Variants in NHERF1 observed in about 807,000 individuals in gnomAD.
NHERF1 encodes the protein Na(+)/H(+) exchange regulatory cofactor NHE-RF1.
the NHERF1 span, among the ~76,000 whole-genome samples, chr17:74,761,659 G>A: frequency 6.6e-6 from 1 of 152,178 alleles, no homozygotes; most frequent in Non-Finnish European, 1.5e-5. This position sits in a 1 kb window ranked among gnomAD's most constrained non-coding sequence, Gnocchi z 4.3. Flanking sequence ...GCCACCAATG[G>A]GGAGGGATAG....
At chr17:74,761,070 G>A in the NHERF1 span, among the ~76,000 whole-genome samples, 1 of 152,236 alleles carries the variant, frequency 6.6e-6, no homozygotes, top group Admixed American at 6.5e-5. The surrounding 1 kb of genome is among the most constrained non-coding windows in gnomAD (Gnocchi z 4.3). Context: ...ATCATACTGT[G>A]TGTCCAGGCC....
the NHERF1 span, chr17:74,762,113 A>C: frequency 6.2e-7 from 1 of 1,614,200 alleles, no homozygotes. The surrounding 1 kb of genome is among the most constrained non-coding windows in gnomAD (Gnocchi z 4.2). Flanking sequence ...TCATCCGGTC[A>C]GTGGACCCAG....
chr17:74,768,624 A>G, the NHERF1 span: 1 of 1,614,076 alleles, frequency 6.2e-7, no homozygotes, highest in South Asian at 1.1e-5. Flanking sequence ...GATGGACTGG[A>G]GCAAGAAAAA....
the NHERF1 span, chr17:74,748,913 G>C: frequency 4.4e-6 from 7 of 1,601,080 alleles, no homozygotes; most frequent in African/African-American, 1.3e-5. This position sits in a 1 kb window ranked among gnomAD's most constrained non-coding sequence, Gnocchi z 4.3. Context: ...GGGTCCGAAC[G>C]GCTACGGCTT....
the NHERF1 span, chr17:74,767,970 A>G: frequency 6.9e-3 from 4,885 of 712,540 alleles, 109 homozygotes; most frequent in African/African-American, 0.064. Context: ...CTGATCCCCA[A>G]AGGAATGTAA....
chr17:74,748,740 G>T, the NHERF1 span: 1 of 1,047,362 alleles, frequency 9.5e-7, no homozygotes, highest in East Asian at 2.7e-5. This position sits in a 1 kb window ranked among gnomAD's most constrained non-coding sequence, Gnocchi z 4.3. Context: ...GCGGCTCAGG[G>T]CTTCTCTGCT....
At chr17:74,768,463 T>C in the NHERF1 span, 3 of 1,613,948 alleles carry the variant, frequency 1.9e-6, no homozygotes, top group Non-Finnish European at 1.7e-6. Flanking sequence ...CACTTCTCTT[T>C]ACAGCTGAAT....
chr17:74,757,340 G>C, the NHERF1 span, among the ~76,000 whole-genome samples: 1 of 152,100 alleles, frequency 6.6e-6, no homozygotes, highest in Admixed American at 6.5e-5. Context: ...AGCAGTGAGT[G>C]ACTTTTTTTA....
At chr17:74,762,012 C>G in the NHERF1 span, 1 of 1,613,890 alleles carries the variant, frequency 6.2e-7, no homozygotes, top group Non-Finnish European at 8.5e-7. The surrounding 1 kb of genome is among the most constrained non-coding windows in gnomAD (Gnocchi z 4.2). Context: ...GTCCCTGCAG[C>G]GCGAGCTTCG....
chr17:74,762,169 T>A, the NHERF1 span: 1 of 1,613,884 alleles, frequency 6.2e-7, no homozygotes, highest in Admixed American at 1.7e-5. The surrounding 1 kb of genome is among the most constrained non-coding windows in gnomAD (Gnocchi z 4.2). Context: ...GATCGCATTG[T>A]GGAGGTGATG....
At chr17:74,755,990 G>C in the NHERF1 span, among the ~76,000 whole-genome samples, 21 of 139,090 alleles carry the variant, frequency 1.5e-4, no homozygotes, top group South Asian at 4.4e-3. Flanking sequence ...GTCTCGCTCT[G>C]TTGCCCAGGC....
the NHERF1 span, chr17:74,768,436 T>A: frequency 6.2e-7 from 1 of 1,612,010 alleles, no homozygotes; most frequent in Admixed American, 1.7e-5. Flanking sequence ...AGGGACTGAC[T>A]CCCAACTTCC....
chr17:74,768,759 C>T, the NHERF1 span: 2 of 934,248 alleles, frequency 2.1e-6, no homozygotes, highest in South Asian at 1.5e-5. Flanking sequence ...CAAATCAGCA[C>T]CCACATCCCC....
At chr17:74,749,304 CCGCG>C in the NHERF1 span, 1 of 1,524,448 alleles carries the variant, frequency 6.6e-7, no homozygotes, top group Non-Finnish European at 8.8e-7. This position sits in a 1 kb window ranked among gnomAD's most constrained non-coding sequence, Gnocchi z 5.6. Context: ...GGGGCCCAAG[CCGCG>C]CAGGCTGGCA....
chr17:74,758,850 C>T, the NHERF1 span, among the ~76,000 whole-genome samples: 1 of 152,190 alleles, frequency 6.6e-6, no homozygotes, highest in Non-Finnish European at 1.5e-5. The surrounding 1 kb of genome is among the most constrained non-coding windows in gnomAD (Gnocchi z 4.3). Context: ...CTTCTCCTCT[C>T]AGTGCTGGGC....
the NHERF1 span, chr17:74,748,752 C>A: frequency 8.6e-7 from 1 of 1,168,028 alleles, no homozygotes; most frequent in Non-Finnish European, 1.2e-6. The surrounding 1 kb of genome is among the most constrained non-coding windows in gnomAD (Gnocchi z 4.3). Flanking sequence ...TTCTCTGCTG[C>A]GCTCCCGGTT....
chr17:74,768,156 C>G, the NHERF1 span: 1 of 1,609,538 alleles, frequency 6.2e-7, no homozygotes, highest in Non-Finnish European at 8.5e-7. Flanking sequence ...GGAGAACAGT[C>G]GTGAAGCCCT....
chr17:74,750,767 A>ACCCACC, the NHERF1 span, among the ~76,000 whole-genome samples: 6 of 33,224 alleles, frequency 1.8e-4, no homozygotes, highest in African/African-American at 6.1e-4. Context: ...ACAAATACCC[A>ACCCACC]CCCACCCCCA....
At chr17:74,766,987 G>T in the NHERF1 span, 1 of 1,613,382 alleles carries the variant, frequency 6.2e-7, no homozygotes, top group Non-Finnish European at 8.5e-7. Context: ...GTAAGGGCGG[G>T]TCCCCTGTCT....
Sources: gnomAD v4.1 joint callset for allele counts (sites outside exome capture counted in the v4.1 genomes callset) on GRCh38, gnomAD v4.1.1 for gene constraint, Gnocchi (gnomAD v3.1) non-coding constraint, MANE v1.5 for transcripts, NCBI Gene and HGNC (gene_info 2026-07-23, HGNC 2026-07-21) for gene names.